ZNF658: variants seen among roughly 807,000 people sequenced by gnomAD.
ZNF658 encodes zinc finger protein 658.
ZNF658 carries 46 observed loss-of-function variants against 78.0 expected under a neutral mutation model. The ratio of observed to expected loss-of-function variants is 0.59; its 90% CI spans 0.47 to 0.75. The LOEUF is 0.75. Ranked by LOEUF, ZNF658 falls within the 30% of genes least tolerant of loss-of-function variation. ZNF658 has a pLI of 0.00. For synonymous variants in ZNF658, 279 were observed against 408.4 expected (o/e 0.68, Z 3.82); for missense variants, 785 against 1,189.3 (o/e 0.66, Z 5.00).
intron 4 of ZNF658, among the ~76,000 whole-genome samples, chr9:66,912,260 G>A (rs1198767529): frequency 9.6e-5 from 9 of 93,728 alleles, no homozygotes; most frequent in East Asian, 7.9e-4. Context: ...ACAAAAAGTC[G>A]AATTCAGTTG....
intron 2 of ZNF658, among the ~76,000 whole-genome samples, chr9:66,904,970 C>A (rs899750912): frequency 1.3e-5 from 2 of 150,038 alleles, no homozygotes; most frequent in Non-Finnish European, 3.0e-5. Flanking sequence ...TGACTTGTTT[C>A]TCTGTTACAG....
Position 66,920,096 on chromosome 9 carries a change from C to T in ZNF658, c.2530C>T (p.His844Tyr), listed in dbSNP as rs1327922362. Reference protein sequence around the residue: ...TFSQRTHLCAHQRIHTGEKPY... With the variant: ...TFSQRTHLCAYQRIHTGEKPY... ...CTCCCAAAGAACACACCTCTGTGCA[C>T]ATCAGAGAATTCATACTGGGGAAAA... The change falls in exon 5 of 5, where the codon CAT (histidine) becomes TAT (tyrosine). Residue 844 changes from histidine (H) to tyrosine (Y), a missense_variant. By Grantham distance (83) the His-to-Tyr change is moderately conservative (BLOSUM62 2). Around this residue, in one of 12 missense-constraint regions of ZNF658, gnomAD observed 58 missense variants for 63.0 expected, o/e 0.92. Coordinates refer to ENST00000621410, the MANE Select transcript of ZNF658 (RefSeq NM_033160.7). 4.3e-6 allele frequency: 7 copies of T among 1,612,702 alleles called. No homozygotes were observed. In the East Asian group the frequency reaches 8.9e-5, roughly 21 times the overall value.
intron 4 of ZNF658, among the ~76,000 whole-genome samples, chr9:66,913,663 G>A (rs1418995290): frequency 1.3e-5 from 2 of 150,986 alleles, no homozygotes; most frequent in East Asian, 3.9e-4. Flanking sequence ...GAAACTCAAA[G>A]TAACAGATTT....
intron 4 of ZNF658, among the ~76,000 whole-genome samples, chr9:66,915,815 C>T: frequency 7.8e-6 from 1 of 127,636 alleles, no homozygotes; most frequent in Non-Finnish European, 1.6e-5. Flanking sequence ...ACTTTTTTGT[C>T]ATCCTTCTAC....
chr9:66,928,665 A>G (rs974236746), intron 6 of ZNF658, among the ~76,000 whole-genome samples: 11 of 150,848 alleles, frequency 7.3e-5, no homozygotes, highest in Non-Finnish European at 1.3e-4. Flanking sequence ...ATCCTGGCTA[A>G]CACGGTGAAA....
downstream of ZNF658, among the ~76,000 whole-genome samples, chr9:66,924,014 G>T (rs1447768206): frequency 2.7e-5 from 4 of 149,716 alleles, no homozygotes; most frequent in Non-Finnish European, 5.9e-5. Context: ...AGCCAGGAAT[G>T]GTGGCGGGCA....
Position 66,910,535 on chromosome 9 carries a change from G to A in ZNF658, c.238+1801G>A, listed in dbSNP as rs556412350. Among the ~76,000 whole-genome samples, 247 of 151,872 alleles carry A rather than the reference G, an allele frequency of 1.6e-3. 1 individual carries two copies. Among genetic ancestry groups the A allele is most frequent in the African/African-American group, 5.0e-3 (207 of 41,402 alleles). On this transcript the variant is annotated intron_variant, in intron 4 of 4. Coordinates refer to ENST00000621410, the MANE Select transcript of ZNF658 (RefSeq NM_033160.7). ...AAAGATCAGTAAAGTTGGGCCAGGC[G>A]TGGTGGCTCATGCCTGTAATCCCAG... is the stretch of plus-strand genomic sequence containing the variant.
At chr9:66,914,713 TA>T (rs916353944) in intron 4 of ZNF658, among the ~76,000 whole-genome samples, 23 of 152,266 alleles carry the variant, frequency 1.5e-4, no homozygotes, top group African/African-American at 5.3e-4. Flanking sequence ...AAATGCAGCA[TA>T]AAAACTATAG....
chr9:66,901,293 G>A lies in ZNF658; in HGVS notation c.-45+457G>A, dbSNP rs538276178. On this transcript the variant is annotated intron_variant, in intron 1 of 4. Coordinates refer to ENST00000621410, the MANE Select transcript of ZNF658 (RefSeq NM_033160.7). ...TAAAAAAATGGACGAAAGTTCATGGGGATGGGTACCCCAGGGCACACACTA... is the reference window on the plus strand; with the variant it reads ...TAAAAAAATGGACGAAAGTTCATGGAGATGGGTACCCCAGGGCACACACTA... 6.6e-5 allele frequency among the ~76,000 whole-genome samples: 10 copies of A among 152,226 alleles called. No individual in the cohort carries two copies. The East Asian group carries it at 1.7e-3, about 26-fold the overall frequency.
Position 66,908,240 on chromosome 9 carries a change from A to G in ZNF658, c.18A>G (p.Ala6=), listed in dbSNP as rs372456475. The G allele has an allele frequency of 4.0e-5, 64 of 1,613,918 alleles. 1 individual carries two copies. In the African/African-American group the frequency reaches 8.0e-4, roughly 20 times the overall value. ...TGTTGTGATAAATGTTGTTACAGGC[A>G]TCAGTGTCATTCCAGGACGTGACTG... MNMSQ[A]SVSFQDVTVE... The change falls in exon 3 of 5, where the codon GCA becomes GCG. Residue 6 remains alanine, a splice_region_variant and synonymous_variant. Coordinates refer to ENST00000621410, the MANE Select transcript of ZNF658 (RefSeq NM_033160.7).
chr9:66,930,317 G>T (rs1374373746), intron 6 of ZNF658, among the ~76,000 whole-genome samples: 1 of 144,778 alleles, frequency 6.9e-6, no homozygotes, highest in Non-Finnish European at 1.5e-5. Flanking sequence ...CAACAAGAGT[G>T]TCACAAACAC....
At chr9:66,906,061 A>T (rs540776095) in intron 2 of ZNF658, among the ~76,000 whole-genome samples, 9 of 130,954 alleles carry the variant, frequency 6.9e-5, no homozygotes, top group African/African-American at 2.9e-4. Flanking sequence ...TTTTTAATTG[A>T]TTCAGTAGAG....
intron 3 of ZNF658, 125 bp downstream of exon 3, chr9:66,908,489 C>A: frequency 6.6e-7 from 1 of 1,503,936 alleles, no homozygotes; most frequent in Non-Finnish European, 8.9e-7. Flanking sequence ...TAGTTGAAAC[C>A]TTTACAGAAA....
intron 4 of ZNF658, among the ~76,000 whole-genome samples, chr9:66,913,119 G>A (rs1313644914): frequency 5.3e-5 from 8 of 150,228 alleles, no homozygotes; most frequent in Non-Finnish European, 8.9e-5. Flanking sequence ...TTTCACCCAT[G>A]CCCAGGGTTA....
chr9:66,914,956 A>G (rs1822299568), intron 4 of ZNF658, among the ~76,000 whole-genome samples: 3 of 152,108 alleles, frequency 2.0e-5, no homozygotes, highest in Admixed American at 2.0e-4. Context: ...TTTATTTTCT[A>G]GAAGACATTG....
intron 1 of ZNF658, chr9:66,901,141 T>C (rs1343305883): frequency 6.6e-6 from 1 of 152,200 alleles, no homozygotes; most frequent in Non-Finnish European, 1.5e-5. Flanking sequence ...TAAAGCATTT[T>C]GTTAAGTGTC....
At chr9:66,929,600 T>A (rs1039938709) in intron 6 of ZNF658, among the ~76,000 whole-genome samples, 20 of 151,648 alleles carry the variant, frequency 1.3e-4, no homozygotes, top group African/African-American at 4.8e-4. Flanking sequence ...TTGAGTCAAT[T>A]TTTCCCCCAG....
chr9:66,908,766 G>T (rs751887690), intron 4 of ZNF658, 32 bp downstream of exon 4: 22 of 1,602,414 alleles, frequency 1.4e-5, no homozygotes, highest in Non-Finnish European at 1.7e-5. Context: ...GAGCCCCCTG[G>T]GGGTACTTAG....
chr9:66,930,958 C>T (rs1822637741), intron 6 of ZNF658, among the ~76,000 whole-genome samples: 1 of 151,310 alleles, frequency 6.6e-6, no homozygotes, highest in African/African-American at 2.4e-5. Context: ...GTACTCTGTA[C>T]TCAAACTTTC....
Sources: allele counts gnomAD v4.1 joint callset (sites outside exome capture counted in the v4.1 genomes callset), GRCh38; gene constraint gnomAD v4.1.1; regional missense constraint gnomAD v4.1.1; transcripts MANE v1.5; gene names NCBI Gene and HGNC (gene_info 2026-07-23, HGNC 2026-07-21).